CNTNAP5: variants seen among roughly 807,000 people sequenced by gnomAD.
CNTNAP5 encodes contactin-associated protein-like 5.
CNTNAP5 carries 72 observed loss-of-function variants against 150.2 expected under a neutral mutation model. That is an observed-to-expected ratio of 0.48 (90% CI 0.40 to 0.58). CNTNAP5 has a LOEUF of 0.58. Among genes scored for constraint, CNTNAP5 ranks in the 20% least tolerant of loss-of-function variants. CNTNAP5 has a pLI of 0.00. For synonymous variants in CNTNAP5, 672 were observed against 619.8 expected, an observed-to-expected ratio of 1.08 and a Z score of -1.25; for missense variants, 1,636 against 1,626.2, an observed-to-expected ratio of 1.01 and a Z score of -0.10.
intron 2 of CNTNAP5, among the ~76,000 whole-genome samples, chr2:124,241,483 C>G (rs558964924): frequency 6.6e-6 from 1 of 152,270 alleles, no homozygotes; most frequent in South Asian, 2.1e-4. Context: ...CTATTGCTAT[C>G]TCTAGAAGGC....
intron 1 of CNTNAP5, among the ~76,000 whole-genome samples, chr2:124,192,880 T>C (rs560555818): frequency 1.3e-5 from 2 of 152,326 alleles, no homozygotes; most frequent in South Asian, 2.1e-4. Context: ...GCCATCAAAA[T>C]TGGATGGTTT....
At chr2:124,603,877 T>C (rs1240368473) in intron 11 of CNTNAP5, among the ~76,000 whole-genome samples, 1 of 152,208 alleles carries the variant, frequency 6.6e-6, no homozygotes, top group Non-Finnish European at 1.5e-5. Flanking sequence ...ATTGTATATA[T>C]TTAACAATCA....
intron 17 of CNTNAP5, among the ~76,000 whole-genome samples, chr2:124,784,867 A>C (rs1681530020): frequency 6.6e-6 from 1 of 152,152 alleles, no homozygotes; most frequent in African/African-American, 2.4e-5. Context: ...TGTGGATGTT[A>C]AATTTTCTTA....
At chr2:124,343,884 G>A (rs1457164345) in intron 3 of CNTNAP5, among the ~76,000 whole-genome samples, 1 of 152,164 alleles carries the variant, frequency 6.6e-6, no homozygotes, top group Non-Finnish European at 1.5e-5. Flanking sequence ...CTGCTGCATC[G>A]TAACATGGTA....
chr2:124,415,445 A>T (rs1044078422), intron 3 of CNTNAP5, among the ~76,000 whole-genome samples: 11 of 152,252 alleles, frequency 7.2e-5, no homozygotes, highest in African/African-American at 1.2e-4. Context: ...AAGATTATGC[A>T]AGATAACCTA....
chr2:124,466,321 T>C (rs1326683621), intron 6 of CNTNAP5, among the ~76,000 whole-genome samples: 1 of 152,162 alleles, frequency 6.6e-6, no homozygotes, highest in Admixed American at 6.6e-5. Flanking sequence ...CACCAACTGA[T>C]CTTGCTTTCT....
intron 3 of CNTNAP5, among the ~76,000 whole-genome samples, chr2:124,319,797 G>T (rs1005517461): frequency 6.6e-6 from 1 of 152,122 alleles, no homozygotes; most frequent in Non-Finnish European, 1.5e-5. Context: ...AGAAAGGAAG[G>T]GGGTTGGGAA....
At chr2:124,240,889 A>G (rs1326190925) in intron 2 of CNTNAP5, among the ~76,000 whole-genome samples, 1 of 152,190 alleles carries the variant, frequency 6.6e-6, no homozygotes, top group Admixed American at 6.6e-5. Flanking sequence ...GAAAACTCTC[A>G]GTTACCAAGG....
At chr2:124,690,084 T>G (rs1202604930) in intron 13 of CNTNAP5, among the ~76,000 whole-genome samples, 1 of 152,050 alleles carries the variant, frequency 6.6e-6, no homozygotes, top group African/African-American at 2.4e-5. Flanking sequence ...AGGGATGCTT[T>G]AAAAACCTTA....
chr2:124,140,259 G>C lies in CNTNAP5; in HGVS notation c.83-81446G>C, dbSNP rs540235878. 2.3e-4 allele frequency among the ~76,000 whole-genome samples: 35 copies of C among 150,942 alleles called. No individual in the cohort carries two copies. In the East Asian group the frequency reaches 4.4e-3, roughly 19 times the overall value. On this transcript the variant is annotated intron_variant, in intron 1 of 23. Coordinates refer to ENST00000682447, the MANE Select transcript of CNTNAP5 (RefSeq NM_001367498.1). ...GCTTGCTTAGGTAAACAAAGCAGCC[G>C]GGAAGCTCCAACTGGGTGGAGCCCA...
intron 2 of CNTNAP5, among the ~76,000 whole-genome samples, chr2:124,228,098 G>A (rs1347977406): frequency 2.0e-5 from 3 of 152,060 alleles, no homozygotes; most frequent in African/African-American, 7.2e-5. Flanking sequence ...AGAACTGGGG[G>A]AACCAGTGGT....
At chr2:124,201,509 A>G (rs1175767162) in intron 1 of CNTNAP5, among the ~76,000 whole-genome samples, 1 of 152,360 alleles carries the variant, frequency 6.6e-6, no homozygotes, top group African/African-American at 2.4e-5. Context: ...AAAGCTTAGG[A>G]AAGGTAAATA....
At chr2:124,185,744 C>G (rs979999591) in intron 1 of CNTNAP5, among the ~76,000 whole-genome samples, 4 of 152,156 alleles carry the variant, frequency 2.6e-5, no homozygotes, top group Non-Finnish European at 5.9e-5. Flanking sequence ...ACTGCACCAT[C>G]CTTGGCTCCT....
At position 124,061,090 on chromosome 2, in the gene CNTNAP5, G is replaced by C. The variant is rs192680386; in HGVS notation, c.82+35358G>C. Among the ~76,000 whole-genome samples, 318 of 151,972 alleles carry C rather than the reference G, an allele frequency of 2.1e-3. 4 individuals carry two copies. In the South Asian group the frequency reaches 0.029, roughly 14 times the overall value. On this transcript the variant is annotated intron_variant, in intron 1 of 23. Coordinates refer to ENST00000682447, the MANE Select transcript of CNTNAP5 (RefSeq NM_001367498.1). ...ATCAAGTGCCGTCTCCATTAGAAAT[G>C]CATGTTCCTGAAGGCCAGGGAAGCC... is the stretch of plus-strand genomic sequence containing the variant.
chr2:124,312,835 G>T (rs1688866480), intron 3 of CNTNAP5, among the ~76,000 whole-genome samples: 1 of 152,186 alleles, frequency 6.6e-6, no homozygotes, highest in Admixed American at 6.5e-5. Context: ...CTCCCAAAGT[G>T]CTGGGATTAC....
intron 19 of CNTNAP5, among the ~76,000 whole-genome samples, chr2:124,834,432 A>G (rs1293567932): frequency 1.3e-5 from 2 of 152,166 alleles, no homozygotes; most frequent in African/African-American, 4.8e-5. Context: ...CCAGGGAGAA[A>G]TGGCTAATTG....
intron 21 of CNTNAP5, among the ~76,000 whole-genome samples, chr2:124,893,703 T>C (rs557814107): frequency 3.9e-4 from 59 of 152,190 alleles, no homozygotes; most frequent in South Asian, 2.9e-3. Flanking sequence ...GAAAGGCAAG[T>C]AGCACTGGAT....
intron 10 of CNTNAP5, among the ~76,000 whole-genome samples, chr2:124,536,179 C>A (rs1020948578): frequency 1.3e-5 from 2 of 152,136 alleles, no homozygotes; most frequent in African/African-American, 4.8e-5. Flanking sequence ...AAAACAAGAT[C>A]ATTTCTGCTT....
rs1677871020 is a variant in CNTNAP5 at position 124,632,026 on chromosome 2, C to G, written c.1877-15732C>G. Among the ~76,000 whole-genome samples the G allele has an allele frequency of 2.0e-5, 3 of 152,058 alleles. No homozygotes were observed. In the South Asian group the frequency reaches 6.2e-4, roughly 32 times the overall value. On this transcript the variant is annotated intron_variant, in intron 12 of 23. Coordinates refer to ENST00000682447, the MANE Select transcript of CNTNAP5 (RefSeq NM_001367498.1). ...AACCACAATGAGATACTATCTCACA[C>G]TCATCAGAATGGCATTATTAAAAAG...
Sources: gnomAD v4.1 joint callset for allele counts (sites outside exome capture counted in the v4.1 genomes callset) on GRCh38, gnomAD v4.1.1 for gene constraint, MANE v1.5 for transcripts, NCBI Gene and HGNC (gene_info 2026-07-23, HGNC 2026-07-21) for gene names.